The following METTL22 variants were observed in gnomAD, a reference collection of about 807,000 sequenced individuals.
METTL22 encodes methyltransferase-like protein 22.
A neutral mutation model predicts 48.4 loss-of-function variants in METTL22; 51 were observed. The ratio of observed to expected loss-of-function variants is 1.05; its 90% CI spans 0.84 to 1.33. The LOEUF is 1.33. Among genes scored for constraint, METTL22 ranks in the 40% most tolerant of loss-of-function variants. The probability of loss-of-function intolerance (pLI) is 0.00; values close to 1 mark genes in which losing one functional copy is unlikely to be tolerated. For synonymous variants in METTL22, 255 were observed against 214.1 expected (o/e 1.19, Z -1.67); for missense variants, 678 against 526.9 (o/e 1.29, Z -2.81).
rs1410632740 is a variant in METTL22 at position 8,646,235 on chromosome 16, T to G, written c.*92T>G. 6.6e-7 allele frequency: 1 copy of G among 1,517,210 alleles called. No homozygotes were observed. The highest frequency in any genetic ancestry group is 1.7e-5 in the Admixed American group (1 of 57,368). 94.0% of individuals were successfully genotyped at this position (1,517,210 alleles called of 1,614,324 possible). On this transcript the variant is annotated 3_prime_UTR_variant, in exon 11 of 11. Transcript: ENST00000381920. ...CTCACCAAAGCAACATGCTTGAGAT[T>G]TTGTCATTTTAAAAATATGGTTACA...
intron 3 of METTL22, among the ~76,000 whole-genome samples, chr16:8,630,790 C>G (rs763330843): frequency 6.6e-6 from 1 of 152,202 alleles, no homozygotes; most frequent in Non-Finnish European, 1.5e-5. Flanking sequence ...TTCACTTTTT[C>G]AGCTGTCAGT....
At chr16:8,666,416 A>G in the METTL22 span, among the ~76,000 whole-genome samples, 1 of 152,190 alleles carries the variant, frequency 6.6e-6, no homozygotes, top group South Asian at 2.1e-4. Context: ...CAAATAAAGC[A>G]CTCAAATCTT....
rs771734313 is a variant in METTL22, at chr16:8,642,582, G to A, written c.1010+17G>A. 31 of 1,611,224 alleles carry A rather than the reference G, an allele frequency of 1.9e-5. No individual in the cohort carries two copies. Among genetic ancestry groups the A allele is most frequent in the African/African-American group, 8.0e-5 (6 of 74,868 alleles). On this transcript the variant is annotated intron_variant, in intron 9 of 10. Transcript: ENST00000381920. ...GGAGAAGAGGTGAGCTTTGCGCCAC[G>A]GGAACCGTGCTGACGTCCCGAGTGT...
chr16:8,623,129 C>T (rs1463849174), intron 1 of METTL22, among the ~76,000 whole-genome samples: 1 of 151,952 alleles, frequency 6.6e-6, no homozygotes, highest in Non-Finnish European at 1.5e-5. Context: ...GCCTGGCCAA[C>T]ATGGCAAAAC....
At chr16:8,650,297 C>G (rs1040253675), downstream of METTL22, among the ~76,000 whole-genome samples, 2 of 152,228 alleles carry the variant, frequency 1.3e-5, no homozygotes, top group Non-Finnish European at 2.9e-5. Context: ...GCACTACACC[C>G]TCACAGCCTT....
rs377617892 is a variant in METTL22 at position 8,625,738 on chromosome 16, C to T, written c.73C>T (p.His25Tyr). Residue 25 changes from histidine to tyrosine, a missense_variant, in exon 2 of 11, where the codon CAC becomes TAC. By Grantham distance (83) the His-to-Tyr change is moderately conservative (BLOSUM62 2). Coordinates refer to ENST00000381920, the MANE Select transcript of METTL22 (RefSeq NM_024109.4). ...GAGCGACACTGTGCTGTCAGATGTCCACCTCTATACCCCGAACCATAGACA... is the reference window on the plus strand; with the variant it reads ...GAGCGACACTGTGCTGTCAGATGTCTACCTCTATACCCCGAACCATAGACA... ...FRSDTVLSDV[H>Y]LYTPNHRHLM... is the part of the protein sequence containing the mutation. 24 of 1,614,072 alleles carry T rather than the reference C, an allele frequency of 1.5e-5. No homozygotes were observed. Among genetic ancestry groups the T allele is most frequent in the Admixed American group, 3.3e-5 (2 of 60,006 alleles).
At chr16:8,651,448 C>T (rs1212282669), downstream of METTL22, among the ~76,000 whole-genome samples, 2 of 149,760 alleles carry the variant, frequency 1.3e-5, no homozygotes, top group Non-Finnish European at 3.0e-5. Context: ...ATACTTGGCC[C>T]TGGTGAAGTT....
At chr16:8,642,696 A>G in intron 9 of METTL22, 131 bp downstream of exon 9, 1 of 855,236 alleles carries the variant, frequency 1.2e-6, no homozygotes, top group East Asian at 2.4e-5. Context: ...ACTATGTGCC[A>G]GGTCTGTGCT....
the METTL22 span, among the ~76,000 whole-genome samples, chr16:8,663,053 C>CAAAAA: frequency 6.6e-6 from 1 of 150,612 alleles, no homozygotes; most frequent in African/African-American, 2.4e-5. Context: ...ACTAAAAATA[C>CAAAAA]AAAAATTAGC....
chr16:8,625,382 C>G (rs2056011200), intron 1 of METTL22, 114 bp from the exon 2 acceptor site: 1 of 222,194 alleles, frequency 4.5e-6, no homozygotes, highest in African/African-American at 2.3e-5. Flanking sequence ...AATTCATATC[C>G]CTTTCTATAA....
rs2055852584 is a variant in METTL22 at position 8,621,715 on chromosome 16, G to A, written c.-231G>A. On this transcript the variant is annotated 5_prime_UTR_variant, in exon 1 of 11. Coordinates refer to ENST00000381920, the MANE Select transcript of METTL22 (RefSeq NM_024109.4). ...GCCTGCGCAGACCGCCTGTTATGGC[G>A]GCCGCCTAAGTCCCACAGAGACGGG... The A allele has an allele frequency of 6.6e-6, 1 of 152,266 alleles. No individual in the cohort carries two copies. Among genetic ancestry groups the A allele is most frequent in the African/African-American group, 2.4e-5 (1 of 41,468 alleles). 9.4% of individuals were successfully genotyped at this position (152,266 alleles called of 1,614,324 possible).
chr16:8,646,862 G>C lies in METTL22; in HGVS notation c.*719G>C, dbSNP rs928769081. 8.2e-6 allele frequency: 3 copies of C among 364,758 alleles called. No individual in the cohort carries two copies. Among genetic ancestry groups the C allele is most frequent in the Non-Finnish European group, 1.6e-5 (3 of 185,474 alleles). The allele number at this position is 364,758 out of a possible 1,614,324, so 22.6% of individuals were successfully genotyped here. On this transcript the variant is annotated 3_prime_UTR_variant, in exon 11 of 11. Transcript: ENST00000381920. ...CCCCTTGGTCTCTCTGTCTTATCACGTGTGTACATGTCTGTCTGTCTGGTT... is the reference window on the plus strand; with the variant it reads ...CCCCTTGGTCTCTCTGTCTTATCACCTGTGTACATGTCTGTCTGTCTGGTT...
intron 1 of METTL22, among the ~76,000 whole-genome samples, chr16:8,622,662 A>G (rs766128641): frequency 2.0e-5 from 3 of 152,164 alleles, no homozygotes; most frequent in African/African-American, 7.2e-5. Flanking sequence ...AGTATTTACT[A>G]TTGTTGCTTA....
At chr16:8,663,841 G>A in the METTL22 span, among the ~76,000 whole-genome samples, 7 of 149,164 alleles carry the variant, frequency 4.7e-5, no homozygotes, top group African/African-American at 1.6e-4. Context: ...CTCAGTCTCA[G>A]CACTGCCAAC....
At chr16:8,639,890 C>G (rs1017978139) in intron 6 of METTL22, among the ~76,000 whole-genome samples, 1 of 152,030 alleles carries the variant, frequency 6.6e-6, no homozygotes, top group Admixed American at 6.6e-5. Flanking sequence ...CAGCGCCCCC[C>G]ACCACCAACA....
At chr16:8,627,823 A>G (rs1452022630) in intron 2 of METTL22, among the ~76,000 whole-genome samples, 1 of 152,126 alleles carries the variant, frequency 6.6e-6, no homozygotes, top group Non-Finnish European at 1.5e-5. Flanking sequence ...TTGACTCACT[A>G]CAGCCTCGAC....
chr16:8,636,022 T>C (rs1452430179), intron 5 of METTL22, among the ~76,000 whole-genome samples: 1 of 152,232 alleles, frequency 6.6e-6, no homozygotes, highest in African/African-American at 2.4e-5. Flanking sequence ...TGCAGCTATA[T>C]TGCAGTGATG....
At chr16:8,632,917 G>A (rs1288024153) in intron 3 of METTL22, among the ~76,000 whole-genome samples, 3 of 152,174 alleles carry the variant, frequency 2.0e-5, no homozygotes, top group Non-Finnish European at 1.5e-5. Context: ...CCCCTGGAAG[G>A]AAGTGACCAA....
At chr16:8,653,014 G>A (rs2056920964), downstream of METTL22, among the ~76,000 whole-genome samples, 2 of 152,210 alleles carry the variant, frequency 1.3e-5, no homozygotes, top group Non-Finnish European at 2.9e-5. Flanking sequence ...TCAGGTGACT[G>A]CCAGTTCAAA....
Sources: allele counts gnomAD v4.1 joint callset (sites outside exome capture counted in the v4.1 genomes callset), GRCh38; gene constraint gnomAD v4.1.1; transcripts MANE v1.5; gene names NCBI Gene and HGNC (gene_info 2026-07-23, HGNC 2026-07-21).